The following NKAIN2 variants were observed in gnomAD, a reference collection of about 807,000 sequenced individuals.
NKAIN2 encodes the protein sodium/potassium transporting ATPase interacting 2.
A neutral mutation model predicts 32.6 loss-of-function variants in NKAIN2; 14 were observed. The observed-to-expected ratio is 0.43, with a 90% CI of 0.28 to 0.67. The LOEUF is 0.67. Among genes scored for constraint, NKAIN2 ranks in the 30% least tolerant of loss-of-function variants. The pLI, the probability that NKAIN2 is intolerant of heterozygous loss-of-function variation, is 0.17. For missense variants in NKAIN2, 198 were observed against 258.3 expected (o/e 0.77, Z 1.60); for synonymous variants, 80 against 87.2 (o/e 0.92, Z 0.46).
At chr6:124,449,679 C>T (rs1544838) in intron 3 of NKAIN2, among the ~76,000 whole-genome samples, 102,485 of 151,942 alleles carry the variant, frequency 0.67, 37,403 homozygotes, top group South Asian at 0.81. Flanking sequence ...CACATACAAA[C>T]ATATACATTC....
At chr6:124,059,049 T>C (rs769499285) in intron 1 of NKAIN2, among the ~76,000 whole-genome samples, 21 of 151,916 alleles carry the variant, frequency 1.4e-4, no homozygotes, top group Non-Finnish European at 2.6e-4. Context: ...TCACCCTCCA[T>C]ATATTATGCA....
intron 3 of NKAIN2, among the ~76,000 whole-genome samples, chr6:124,449,289 G>A (rs1776009722): frequency 6.6e-6 from 1 of 151,732 alleles, no homozygotes. Context: ...TCCTGTAATG[G>A]CTGCATTTGG....
At chr6:124,127,214 T>A (rs1786217588) in intron 1 of NKAIN2, among the ~76,000 whole-genome samples, 1 of 152,100 alleles carries the variant, frequency 6.6e-6, no homozygotes, top group Admixed American at 6.6e-5. Context: ...GAGATTCTGA[T>A]ATGTGGAAAG....
intron 4 of NKAIN2, among the ~76,000 whole-genome samples, chr6:124,709,300 C>CT (rs1487427936): frequency 1.3e-5 from 2 of 148,290 alleles, no homozygotes; most frequent in Admixed American, 6.7e-5. Flanking sequence ...CTAAAATTCT[C>CT]TTTTTTGGTT....
chr6:124,112,700 T>C (rs897574163), intron 1 of NKAIN2, among the ~76,000 whole-genome samples: 9 of 152,150 alleles, frequency 5.9e-5, no homozygotes, highest in African/African-American at 2.2e-4. Flanking sequence ...AATTTGTATA[T>C]TGGTCTGCTT....
intron 3 of NKAIN2, among the ~76,000 whole-genome samples, chr6:124,427,526 G>A (rs1427605589): frequency 1.3e-5 from 2 of 152,098 alleles, no homozygotes; most frequent in African/African-American, 2.4e-5. Context: ...CAGCTTCCAG[G>A]AGAATCTCAT....
chr6:123,918,667 C>G (rs999232646), intron 1 of NKAIN2, among the ~76,000 whole-genome samples: 3 of 152,114 alleles, frequency 2.0e-5, no homozygotes. Flanking sequence ...TCAGATTACC[C>G]TTCATTCTGT....
intron 3 of NKAIN2, among the ~76,000 whole-genome samples, chr6:124,500,571 T>C (rs1407402967): frequency 6.6e-6 from 1 of 151,986 alleles, no homozygotes; most frequent in Non-Finnish European, 1.5e-5. Flanking sequence ...GGAGAATTGC[T>C]TGAACCTGGG....
chr6:124,799,675 A>G (rs1562390183), intron 5 of NKAIN2, among the ~76,000 whole-genome samples: 1 of 152,202 alleles, frequency 6.6e-6, no homozygotes, highest in Non-Finnish European at 1.5e-5. Context: ...GGTATTTTTT[A>G]TGCAAAGAAT....
At chr6:123,988,603 C>T (rs1182165169) in intron 1 of NKAIN2, among the ~76,000 whole-genome samples, 1 of 152,182 alleles carries the variant, frequency 6.6e-6, no homozygotes. Flanking sequence ...TAATAATTCC[C>T]TGTACCTCTT....
chr6:123,997,021 A>C (rs1402007033), intron 1 of NKAIN2, among the ~76,000 whole-genome samples: 1 of 152,352 alleles, frequency 6.6e-6, no homozygotes, highest in East Asian at 1.9e-4. Context: ...TTTTGTCCTT[A>C]AAATAATATT....
At chr6:123,816,779 G>T (rs7770201) in intron 1 of NKAIN2, among the ~76,000 whole-genome samples, 20,015 of 152,108 alleles carry the variant, frequency 0.13, 2,854 homozygotes, top group African/African-American at 0.35. Flanking sequence ...AGGTAAGGTG[G>T]TGGTGGTAAG....
chr6:123,910,683 T>G (rs919810487), intron 1 of NKAIN2, among the ~76,000 whole-genome samples: 5 of 151,902 alleles, frequency 3.3e-5, no homozygotes, highest in Non-Finnish European at 7.4e-5. Flanking sequence ...TTTTTGTTTT[T>G]TTAGTAGAGA....
At chr6:124,137,968 A>G (rs1178990254) in intron 1 of NKAIN2, among the ~76,000 whole-genome samples, 1 of 152,126 alleles carries the variant, frequency 6.6e-6, no homozygotes, top group African/African-American at 2.4e-5. Flanking sequence ...AGAATTAATG[A>G]CCCAGAGCCC....
intron 3 of NKAIN2, among the ~76,000 whole-genome samples, chr6:124,447,932 G>C (rs79500799): frequency 1.0e-3 from 159 of 152,128 alleles, no homozygotes; most frequent in African/African-American, 3.6e-3. Flanking sequence ...CTTTGCACTA[G>C]AGTAAATTCC....
chr6:124,214,681 A>G (rs1384475924), intron 1 of NKAIN2, among the ~76,000 whole-genome samples: 2 of 152,216 alleles, frequency 1.3e-5, no homozygotes, highest in Non-Finnish European at 2.9e-5. Context: ...ATCCTGGGCA[A>G]GAATGAGACT....
intron 1 of NKAIN2, among the ~76,000 whole-genome samples, chr6:123,873,465 A>G (rs1773009131): frequency 6.6e-6 from 1 of 152,186 alleles, no homozygotes; most frequent in African/African-American, 2.4e-5. Context: ...ACTTTGTTTT[A>G]AGAGTCATGG....
chr6:123,867,828 G>T (rs372978017), intron 1 of NKAIN2, among the ~76,000 whole-genome samples: 4 of 150,518 alleles, frequency 2.7e-5, no homozygotes, highest in East Asian at 2.0e-4. Context: ...TGATATTTGA[G>T]CATCAGTCAA....
chr6:124,311,245 A>T (rs1796698638), intron 2 of NKAIN2, among the ~76,000 whole-genome samples: 1 of 152,174 alleles, frequency 6.6e-6, no homozygotes, highest in Admixed American at 6.5e-5. Context: ...AGAGTTGGAC[A>T]ATACTGAGAA....
Sources: allele counts gnomAD v4.1 joint callset (sites outside exome capture counted in the v4.1 genomes callset), GRCh38; gene constraint gnomAD v4.1.1; transcripts MANE v1.5; gene names NCBI Gene and HGNC (gene_info 2026-07-23, HGNC 2026-07-21).